MEIKIN: variants seen among roughly 807,000 people sequenced by gnomAD.
MEIKIN encodes meiotic kinetochore factor.
chr5:131,893,244 T>G (rs1425114759), intron 8 of MEIKIN, among the ~76,000 whole-genome samples: 1 of 149,504 alleles, frequency 6.7e-6, no homozygotes, highest in Non-Finnish European at 1.5e-5. Context: ...TCCACCCAGT[T>G]AGAGCTTCCC....
intron 5 of MEIKIN, among the ~76,000 whole-genome samples, chr5:131,926,195 T>C (rs184829006): frequency 2.1e-4 from 32 of 152,294 alleles, no homozygotes; most frequent in African/African-American, 7.7e-4. Flanking sequence ...ACAGTCTTTA[T>C]TATGTTGAGG....
At chr5:131,932,265 C>T (rs1390627375) in intron 5 of MEIKIN, among the ~76,000 whole-genome samples, 1 of 152,186 alleles carries the variant, frequency 6.6e-6, no homozygotes, top group African/African-American at 2.4e-5. Context: ...GTTTAATAAA[C>T]AACCACAAAA....
At chr5:131,809,082 CACATAT>C (rs2149599471) in intron 12 of MEIKIN, among the ~76,000 whole-genome samples, 3 of 151,484 alleles carry the variant, frequency 2.0e-5, no homozygotes, top group African/African-American at 7.3e-5. Flanking sequence ...AAAACAAAAA[CACATAT>C]ATACCTCTAT....
intron 4 of MEIKIN, 109 bp from the exon 5 acceptor site, chr5:131,933,750 T>C: frequency 2.6e-6 from 1 of 388,822 alleles, no homozygotes; most frequent in Non-Finnish European, 4.5e-6. Context: ...ATATTATTAC[T>C]AGAACATAAG....
intron 4 of MEIKIN, among the ~76,000 whole-genome samples, chr5:131,937,017 C>T (rs1751790998): frequency 6.6e-6 from 1 of 151,956 alleles, no homozygotes; most frequent in African/African-American, 2.4e-5. Context: ...GATCTCAATC[C>T]ATTTGCTCAA....
intron 9 of MEIKIN, among the ~76,000 whole-genome samples, chr5:131,873,537 C>T (rs1309776019): frequency 2.6e-5 from 4 of 152,260 alleles, no homozygotes; most frequent in South Asian, 4.1e-4. Context: ...TAGACTCCCA[C>T]ACAATAATAA....
At chr5:131,916,861 C>T (rs60847707) in intron 7 of MEIKIN, 25 bp downstream of exon 7, 90,017 of 395,320 alleles carry the variant, frequency 0.23, 11,639 homozygotes, top group East Asian at 0.5. Flanking sequence ...AGAAGCTCAA[C>T]AATTTTAAAA....
intron 6 of MEIKIN, among the ~76,000 whole-genome samples, chr5:131,917,358 G>C (rs1388193244): frequency 6.6e-6 from 1 of 151,994 alleles, no homozygotes; most frequent in Non-Finnish European, 1.5e-5. Flanking sequence ...CTGAGGTCAG[G>C]CGTTCAAGAC....
rs548634109 is a variant in MEIKIN at position 131,924,588 on chromosome 5, T to C, written c.479-2647A>G. 1.4e-4 allele frequency among the ~76,000 whole-genome samples: 21 copies of C among 152,326 alleles called. No individual in the cohort carries two copies. The South Asian group carries it at 4.3e-3, about 32-fold the overall frequency. On this transcript the variant is annotated intron_variant, in intron 5 of 12. Coordinates refer to ENST00000442687, the MANE Select transcript of MEIKIN (RefSeq NM_001303622.2). The stretch of plus-strand genomic sequence containing the variant: ...CCTGATGATTAATGATGTTGAGCAT[T>C]TTTTCATATACTTGCTGGCTATTGC...
intron 10 of MEIKIN, among the ~76,000 whole-genome samples, chr5:131,852,385 C>T (rs146837837): frequency 1.7e-4 from 26 of 152,228 alleles, no homozygotes; most frequent in Non-Finnish European, 3.4e-4. Flanking sequence ...CCCAGCCATG[C>T]GGAACTGTGA....
intron 7 of MEIKIN, among the ~76,000 whole-genome samples, chr5:131,912,112 T>C (rs1751343066): frequency 2.0e-5 from 3 of 152,034 alleles, no homozygotes; most frequent in South Asian, 4.1e-4. Flanking sequence ...GGACAGGGCA[T>C]AGTGTTTAGA....
At chr5:131,852,506 C>T (rs1349939783) in intron 10 of MEIKIN, among the ~76,000 whole-genome samples, 2 of 152,110 alleles carry the variant, frequency 1.3e-5, no homozygotes, top group Non-Finnish European at 2.9e-5. Flanking sequence ...GTACTGATAC[C>T]TGCTATAACA....
chr5:131,872,266 T>A (rs1158526256), intron 9 of MEIKIN, among the ~76,000 whole-genome samples: 2 of 151,940 alleles, frequency 1.3e-5, no homozygotes, highest in African/African-American at 4.8e-5. Flanking sequence ...ATTAGACGAA[T>A]GGATAACTAG....
chr5:131,903,985 AT>A (rs1241121929), intron 8 of MEIKIN, among the ~76,000 whole-genome samples: 9 of 152,100 alleles, frequency 5.9e-5, no homozygotes, highest in Non-Finnish European at 4.4e-5. Flanking sequence ...AAACAAAAAA[AT>A]AACGGAAAAA....
At chr5:131,840,320 A>T (rs1276799707) in intron 11 of MEIKIN, among the ~76,000 whole-genome samples, 1 of 152,092 alleles carries the variant, frequency 6.6e-6, no homozygotes, top group African/African-American at 2.4e-5. Flanking sequence ...ACCTTGGAGA[A>T]TCTGATGATT....
At chr5:131,936,828 C>T (rs1196379604) in intron 4 of MEIKIN, among the ~76,000 whole-genome samples, 1 of 152,170 alleles carries the variant, frequency 6.6e-6, no homozygotes, top group African/African-American at 2.4e-5. Context: ...ACCTTGGCCT[C>T]CCATAGTACT....
At chr5:131,860,754 CTTT>C (rs35117395) in intron 9 of MEIKIN, among the ~76,000 whole-genome samples, 32 of 51,006 alleles carry the variant, frequency 6.3e-4, no homozygotes, top group Non-Finnish European at 8.7e-4. Flanking sequence ...GCCTGTTTGG[CTTT>C]TTTTTTTTTT....
At chr5:131,846,683 T>C (rs1402708308) in intron 11 of MEIKIN, among the ~76,000 whole-genome samples, 1 of 152,058 alleles carries the variant, frequency 6.6e-6, no homozygotes, top group Non-Finnish European at 1.5e-5. Flanking sequence ...TAGCTGGACG[T>C]GGTTGTGCAT....
intron 11 of MEIKIN, among the ~76,000 whole-genome samples, chr5:131,842,541 T>C (rs1163995424): frequency 2.0e-5 from 3 of 152,178 alleles, no homozygotes; most frequent in African/African-American, 7.2e-5. Context: ...TTTTTAAGCA[T>C]TGATTGCAAT....
Sources: gnomAD v4.1 joint callset for allele counts (sites outside exome capture counted in the v4.1 genomes callset) on GRCh38, gnomAD v4.1.1 for gene constraint, MANE v1.5 for transcripts, NCBI Gene and HGNC (gene_info 2026-07-23, HGNC 2026-07-21) for gene names.